PPP1R1C: variants seen among roughly 807,000 people sequenced by gnomAD.
PPP1R1C encodes the protein protein phosphatase 1 regulatory inhibitor subunit 1C.
A neutral mutation model predicts 17.4 loss-of-function variants in PPP1R1C; 15 were observed. The ratio of observed to expected loss-of-function variants is 0.86; its 90% CI spans 0.58 to 1.33. The LOEUF is 1.33. PPP1R1C is among the 40% of genes most tolerant of loss of function. The pLI is 0.00. For synonymous variants in PPP1R1C, 35 were observed against 43.1 expected, an observed-to-expected ratio of 0.81 and a Z score of 0.73; for missense variants, 143 against 130.0, an observed-to-expected ratio of 1.10 and a Z score of -0.48.
intron 2 of PPP1R1C, among the ~76,000 whole-genome samples, chr2:182,015,370 T>C (rs551097652): frequency 7.5e-4 from 114 of 152,288 alleles, no homozygotes; most frequent in African/African-American, 2.3e-3. Context: ...TTGTGAGGCC[T>C]CCCTAGCCAT....
chr2:182,112,311 G>A (rs1246442775), intron 4 of PPP1R1C, among the ~76,000 whole-genome samples: 25 of 151,884 alleles, frequency 1.6e-4, no homozygotes, highest in Admixed American at 1.6e-3. Context: ...TTTCTAACTT[G>A]GTTTTATCCT....
At chr2:181,970,109 G>T (rs1235390074) in intron 1 of PPP1R1C, among the ~76,000 whole-genome samples, 1 of 151,156 alleles carries the variant, frequency 6.6e-6, no homozygotes, top group Non-Finnish European at 1.5e-5. Flanking sequence ...TCCAGGATTG[G>T]TCCATGGTGT....
chr2:182,092,347 G>A (rs1044171385), intron 4 of PPP1R1C, among the ~76,000 whole-genome samples: 4 of 151,964 alleles, frequency 2.6e-5, no homozygotes, highest in Non-Finnish European at 2.9e-5. Flanking sequence ...ATCTCCCACC[G>A]GGTCTCTCCC....
intron 2 of PPP1R1C, among the ~76,000 whole-genome samples, chr2:181,979,732 G>T (rs375762383): frequency 6.6e-6 from 1 of 152,150 alleles, no homozygotes. Context: ...TAGAGTGTAC[G>T]TAGTGTTAGA....
At chr2:182,058,965 T>C (rs2125194611) in intron 2 of PPP1R1C, among the ~76,000 whole-genome samples, 1 of 152,250 alleles carries the variant, frequency 6.6e-6, no homozygotes, top group Non-Finnish European at 1.5e-5. Flanking sequence ...TTTTCCAAAA[T>C]TGAATGAGAT....
intron 2 of PPP1R1C, among the ~76,000 whole-genome samples, chr2:181,993,282 A>T (rs1037724675): frequency 6.6e-6 from 1 of 152,014 alleles, no homozygotes; most frequent in Non-Finnish European, 1.5e-5. Flanking sequence ...CTTCATGGAG[A>T]CCCTCTATTT....
At chr2:182,121,757 C>T (rs1241475206), downstream of PPP1R1C, among the ~76,000 whole-genome samples, 1 of 152,148 alleles carries the variant, frequency 6.6e-6, no homozygotes, top group Non-Finnish European at 1.5e-5. Flanking sequence ...CCGCCTCAGC[C>T]TCCCAAAGTG....
chr2:182,059,885 A>G (rs1358318057), intron 2 of PPP1R1C, among the ~76,000 whole-genome samples: 1 of 152,126 alleles, frequency 6.6e-6, no homozygotes, highest in East Asian at 1.9e-4. Flanking sequence ...CTAAAACATA[A>G]AGTTATAGGT....
At chr2:182,106,934 C>G (rs1689271384) in intron 4 of PPP1R1C, among the ~76,000 whole-genome samples, 2 of 152,136 alleles carry the variant, frequency 1.3e-5, no homozygotes, top group African/African-American at 4.8e-5. Context: ...ACTGCATGCC[C>G]TTCGAGGGGT....
chr2:182,081,039 C>T (rs1443302541), intron 4 of PPP1R1C, among the ~76,000 whole-genome samples: 1 of 152,164 alleles, frequency 6.6e-6, no homozygotes, highest in Non-Finnish European at 1.5e-5. Context: ...AAAACTCTTA[C>T]ACTTATTTGG....
At chr2:181,958,556 G>A (rs1040996852) in intron 1 of PPP1R1C, among the ~76,000 whole-genome samples, 9 of 152,306 alleles carry the variant, frequency 5.9e-5, no homozygotes, top group Middle Eastern at 3.4e-3. Context: ...TATCCATGCA[G>A]CCATGAGTTG....
At chr2:182,066,864 C>A (rs373768954) in intron 4 of PPP1R1C, among the ~76,000 whole-genome samples, 2 of 152,040 alleles carry the variant, frequency 1.3e-5, no homozygotes, top group African/African-American at 4.8e-5. Context: ...TATTGTTGGA[C>A]TGCTTGAATC....
intron 2 of PPP1R1C, among the ~76,000 whole-genome samples, chr2:182,039,752 T>A (rs1428775594): frequency 2.6e-5 from 4 of 152,234 alleles, no homozygotes; most frequent in South Asian, 2.1e-4. Flanking sequence ...GCATTTGACA[T>A]CTAAGTAGTG....
intron 2 of PPP1R1C, among the ~76,000 whole-genome samples, chr2:181,989,990 G>A (rs954709275): frequency 7.2e-5 from 11 of 152,112 alleles, no homozygotes; most frequent in Admixed American, 6.5e-4. Context: ...CTAGCACCAA[G>A]CTTACTGGGG....
At chr2:182,002,927 A>ACCCCCCCCCCCCC (rs200353111) in intron 2 of PPP1R1C, among the ~76,000 whole-genome samples, 25 of 90,914 alleles carry the variant, frequency 2.7e-4, no homozygotes, top group African/African-American at 3.5e-4. Context: ...GATGCCATAA[A>ACCCCCCCCCCCCC]CCTCCCCCCC....
chr2:182,008,830 C>T (rs1686005310), intron 2 of PPP1R1C, among the ~76,000 whole-genome samples: 1 of 152,160 alleles, frequency 6.6e-6, no homozygotes, highest in South Asian at 2.1e-4. Flanking sequence ...TTCTACTCTC[C>T]ATCACCATGT....
At chr2:182,013,922 G>A (rs1384333931) in intron 2 of PPP1R1C, among the ~76,000 whole-genome samples, 1 of 152,074 alleles carries the variant, frequency 6.6e-6, no homozygotes, top group East Asian at 1.9e-4. Flanking sequence ...TATCTGATAG[G>A]ATTCTGAATT....
upstream of PPP1R1C, among the ~76,000 whole-genome samples, chr2:181,983,803 G>A (rs1378604421): frequency 6.6e-6 from 1 of 152,168 alleles, no homozygotes; most frequent in Non-Finnish European, 1.5e-5. Context: ...ACAGAGAGGT[G>A]AGTTTAAACC....
chr2:182,050,692 A>T (rs1183001788), intron 2 of PPP1R1C, among the ~76,000 whole-genome samples: 2 of 152,080 alleles, frequency 1.3e-5, no homozygotes, highest in African/African-American at 4.8e-5. Flanking sequence ...CACTAATCTT[A>T]CCTCAGTCAT....
Sources: allele counts gnomAD v4.1 joint callset (sites outside exome capture counted in the v4.1 genomes callset), GRCh38; gene constraint gnomAD v4.1.1; transcripts MANE v1.5; gene names NCBI Gene and HGNC (gene_info 2026-07-23, HGNC 2026-07-21).